The following CSDE1 variants were observed in gnomAD, a reference collection of about 807,000 sequenced individuals.
The protein encoded by CSDE1 is cold shock domain-containing protein E1.
CSDE1 carries 17 observed loss-of-function variants against 89.3 expected under a neutral mutation model. That is an observed-to-expected ratio of 0.19 (90% CI 0.13 to 0.29). The LOEUF is 0.29. Among genes scored for constraint, CSDE1 ranks in the 10% least tolerant of loss-of-function variants. CSDE1 has a pLI of 1.00. For synonymous variants in CSDE1, 322 were observed against 332.8 expected (o/e 0.97, Z 0.35); for missense variants, 672 against 984.2 (o/e 0.68, Z 4.24).
intron 15 of CSDE1, among the ~76,000 whole-genome samples, chr1:114,724,612 A>G (rs1019341863): frequency 6.6e-6 from 1 of 151,516 alleles, no homozygotes; most frequent in Non-Finnish European, 1.5e-5. Context: ...AATTACAATT[A>G]ATTTTTTTAA....
At chr1:114,752,898 A>G (rs1167012368) in intron 1 of CSDE1, among the ~76,000 whole-genome samples, 1 of 152,190 alleles carries the variant, frequency 6.6e-6, no homozygotes, top group African/African-American at 2.4e-5. Flanking sequence ...GGTAAACTCA[A>G]ATTTCTTTAT....
intron 2 of CSDE1, among the ~76,000 whole-genome samples, chr1:114,742,331 C>G (rs1171148933): frequency 6.6e-6 from 1 of 152,166 alleles, no homozygotes; most frequent in Non-Finnish European, 1.5e-5. Flanking sequence ...TGGCTCACAC[C>G]TGTAATCCCA....
chr1:114,752,301 C>T (rs1462013165), intron 1 of CSDE1, among the ~76,000 whole-genome samples: 1 of 152,082 alleles, frequency 6.6e-6, no homozygotes, highest in African/African-American at 2.4e-5. Flanking sequence ...CAAACATCTT[C>T]AGTTATTTTT....
At chr1:114,742,499 T>C (rs1260084461) in intron 2 of CSDE1, among the ~76,000 whole-genome samples, 3 of 152,150 alleles carry the variant, frequency 2.0e-5, no homozygotes, top group Non-Finnish European at 4.4e-5. Flanking sequence ...TGAGAATTGC[T>C]TGAACCCAGG....
chr1:114,741,703 T>C, intron 2 of CSDE1: 9 of 1,453,500 alleles, frequency 6.2e-6, no homozygotes, highest in Non-Finnish European at 8.3e-6. Flanking sequence ...TGTTGATAAC[T>C]ATGATCAATA....
chr1:114,738,836 A>C (rs1360188444), intron 3 of CSDE1, among the ~76,000 whole-genome samples: 2 of 151,652 alleles, frequency 1.3e-5, no homozygotes, highest in African/African-American at 4.8e-5. Flanking sequence ...TTCCTCAGCT[A>C]ATTTTTGCAT....
chr1:114,746,582 G>A (rs6685140), intron 2 of CSDE1: 4,803 of 152,150 alleles, frequency 0.032, 264 homozygotes, highest in African/African-American at 0.11. Flanking sequence ...ATGGTTAAAT[G>A]AGTTGCTGCA....
intron 15 of CSDE1, among the ~76,000 whole-genome samples, chr1:114,724,503 C>G (rs1181721149): frequency 6.6e-6 from 1 of 152,184 alleles, no homozygotes; most frequent in African/African-American, 2.4e-5. Flanking sequence ...TTCTTCACTG[C>G]TGTATCCCCA....
intron 17 of CSDE1, 82 bp downstream of exon 17, chr1:114,720,457 C>T: frequency 7.8e-7 from 1 of 1,289,486 alleles, no homozygotes; most frequent in South Asian, 1.7e-5. Flanking sequence ...TTGATGATTT[C>T]CCCTTGGCTG....
intron 18 of CSDE1, 55 bp downstream of exon 18, chr1:114,719,524 T>G (rs1048403028): frequency 5.2e-6 from 8 of 1,538,776 alleles, no homozygotes; most frequent in Middle Eastern, 1.9e-4. Context: ...ACAGAGACTA[T>G]AAAGTTGAGA....
At chr1:114,753,891 G>A (rs1305570814) in intron 1 of CSDE1, among the ~76,000 whole-genome samples, 2 of 152,090 alleles carry the variant, frequency 1.3e-5, no homozygotes, top group South Asian at 2.1e-4. Context: ...ACTCTTGCCT[G>A]GGCGACAGAG....
At position 114,739,696 on chromosome 1, in the gene CSDE1, T is replaced by C; in HGVS notation, c.195A>G (p.Val65=). Residue 65 remains valine (V), a synonymous_variant, in exon 3 of 20, where the codon GTA becomes GTG. Transcript: ENST00000358528. ...AAAGGAGAACTGACAGATTACCTCC[T>C]ACTTTTAAGTCTTGCAGGTTGCCAT... ...QYNGNLQDLK[V]GDDVEFEVSS... is the part of the protein sequence containing the mutation. The C allele has an allele frequency of 6.2e-7, 1 of 1,601,150 alleles. No homozygotes were observed. Among genetic ancestry groups the C allele is most frequent in the Middle Eastern group, 1.7e-4 (1 of 6,022 alleles).
chr1:114,726,118 C>A (rs748383262), intron 14 of CSDE1, 93 bp downstream of exon 14: 1 of 1,250,038 alleles, frequency 8.0e-7, no homozygotes, highest in Non-Finnish European at 1.1e-6. Context: ...TGAACCTCAA[C>A]AAGTATAATC....
intron 10 of CSDE1, among the ~76,000 whole-genome samples, chr1:114,731,135 T>C (rs1432663105): frequency 6.6e-6 from 1 of 151,844 alleles, no homozygotes; most frequent in African/African-American, 2.4e-5. Flanking sequence ...CTTACTAAAT[T>C]ATCAGCTTTG....
At chr1:114,742,316 T>TGCA (rs1660772425) in intron 2 of CSDE1, among the ~76,000 whole-genome samples, 1 of 152,138 alleles carries the variant, frequency 6.6e-6, no homozygotes. Context: ...TGAGGCCGGA[T>TGCA]GCAGTGGCTC....
At chr1:114,753,314 C>T (rs555095012) in intron 1 of CSDE1, among the ~76,000 whole-genome samples, 32 of 152,224 alleles carry the variant, frequency 2.1e-4, no homozygotes, top group Non-Finnish European at 4.3e-4. Flanking sequence ...ACTGCAGGGC[C>T]ATTCTTAGGC....
intron 2 of CSDE1, among the ~76,000 whole-genome samples, chr1:114,741,225 T>C (rs1407125350): frequency 6.6e-6 from 1 of 152,226 alleles, no homozygotes; most frequent in Non-Finnish European, 1.5e-5. Flanking sequence ...GGTCTGGCTG[T>C]AAACCAGGGC....
intron 2 of CSDE1, chr1:114,741,435 G>T (rs7537232): frequency 0.26 from 310,600 of 1,203,268 alleles, 42,888 homozygotes; most frequent in African/African-American, 0.42. Flanking sequence ...AAGGTGAGTC[G>T]GCAAGATATT....
At chr1:114,729,723 T>C (rs1047433163) in intron 12 of CSDE1, among the ~76,000 whole-genome samples, 6 of 152,194 alleles carry the variant, frequency 3.9e-5, no homozygotes, top group Non-Finnish European at 8.8e-5. Flanking sequence ...TCTATATGAA[T>C]TACTTGTTTC....
Sources: gnomAD v4.1 joint callset for allele counts (sites outside exome capture counted in the v4.1 genomes callset) on GRCh38, gnomAD v4.1.1 for gene constraint, MANE v1.5 for transcripts, NCBI Gene and HGNC (gene_info 2026-07-23, HGNC 2026-07-21) for gene names.